LTBP1: variants seen among roughly 807,000 people sequenced by gnomAD.
LTBP1 encodes the protein latent transforming growth factor beta binding protein 1.
Under a neutral mutation model 207.6 loss-of-function variants are expected in LTBP1, and 129 were observed. That is an observed-to-expected ratio of 0.62 (90% CI 0.54 to 0.72). The LOEUF (loss-of-function observed/expected upper bound fraction) is 0.72. LTBP1 is among the 30% of genes least tolerant of loss of function. The probability of loss-of-function intolerance (pLI) is 0.00; values close to 1 mark genes in which losing one functional copy is unlikely to be tolerated. For synonymous variants in LTBP1, 963 were observed against 833.7 expected, an observed-to-expected ratio of 1.16 and a Z score of -2.67; for missense variants, 2,281 against 2,217.2, an observed-to-expected ratio of 1.03 and a Z score of -0.58.
chr2:32,977,787 C>G (rs1046965970), intron 2 of LTBP1, among the ~76,000 whole-genome samples: 3 of 152,176 alleles, frequency 2.0e-5, no homozygotes, highest in African/African-American at 7.2e-5. Flanking sequence ...AGCTTCACTC[C>G]TCTTTGCTCT....
intron 5 of LTBP1, among the ~76,000 whole-genome samples, chr2:33,173,008 T>C (rs1246769376): frequency 2.6e-5 from 4 of 151,122 alleles, no homozygotes; most frequent in Non-Finnish European, 4.4e-5. Flanking sequence ...CAAAGCAGTG[T>C]GTAGAGGGAA....
At chr2:33,173,417 A>C (rs943327176) in intron 5 of LTBP1, among the ~76,000 whole-genome samples, 25 of 152,228 alleles carry the variant, frequency 1.6e-4, no homozygotes, top group African/African-American at 6.0e-4. Context: ...GAAATGGATA[A>C]ATTCCTTGAC....
At chr2:33,221,943 A>G in intron 8 of LTBP1, 137 bp from the exon 9 acceptor site, 6 of 569,030 alleles carry the variant, frequency 1.1e-5, no homozygotes, top group Admixed American at 8.1e-5. Flanking sequence ...TTATGGAGAT[A>G]TACATTGGTA....
intron 24 of LTBP1, among the ~76,000 whole-genome samples, chr2:33,334,287 C>T (rs770639453): frequency 1.1e-4 from 17 of 152,202 alleles, no homozygotes; most frequent in South Asian, 2.1e-4. Flanking sequence ...CATGGACAAG[C>T]GCAGACAGCA....
intron 2 of LTBP1, among the ~76,000 whole-genome samples, chr2:32,953,408 C>A (rs1285417320): frequency 6.6e-6 from 1 of 152,190 alleles, no homozygotes; most frequent in East Asian, 1.9e-4. Flanking sequence ...AATAGATCTG[C>A]AGTGAGGTTT....
At chr2:33,117,089 C>G (rs1025247360) in intron 4 of LTBP1, among the ~76,000 whole-genome samples, 9 of 152,100 alleles carry the variant, frequency 5.9e-5, no homozygotes, top group Non-Finnish European at 1.3e-4. Flanking sequence ...GCAGATAGAA[C>G]AGCTCCCCAG....
At position 33,259,483 on chromosome 2, in the gene LTBP1, T is replaced by C. The variant is rs551376102; in HGVS notation, c.2396-105T>C. 17 of 783,398 alleles carry C rather than the reference T, an allele frequency of 2.2e-5. No homozygotes were observed. The African/African-American group carries it at 2.8e-4, about 13-fold the overall frequency. The allele number at this position is 783,398 out of a possible 1,614,324, so 48.5% of individuals were successfully genotyped here. On this transcript the variant is annotated intron_variant, in intron 12 of 33. Coordinates refer to ENST00000404816, the MANE Select transcript of LTBP1 (RefSeq NM_206943.4). ...GCATTTGCTTTAGTCTGATTCTTAA[T>C]CCTTTTGCAGAGATAATGGACTTCT...
Position 33,257,403 on chromosome 2 carries a change from C to T in LTBP1, c.2287C>T (p.Gln763Ter). The change falls in exon 12 of 34, where the codon CAA becomes TAA. Residue 763 changes from glutamine to a stop codon, truncating the protein, a stop_gained. Coordinates refer to ENST00000404816, the MANE Select transcript of LTBP1 (RefSeq NM_206943.4). LOFTEE classifies it high-confidence loss of function. ...GPVFVKPKNT[Q>*]PVAKSTHPPP... ...TGTATTTGTCAAGCCAAAGAACACT[C>T]AACCTGTTGCTAAAAGTACTCATCC... 6.2e-7 allele frequency: 1 copy of T among 1,614,228 alleles called. No homozygotes were observed. Among genetic ancestry groups the T allele is most frequent in the Non-Finnish European group, 8.5e-7 (1 of 1,180,018 alleles).
intron 2 of LTBP1, among the ~76,000 whole-genome samples, chr2:32,985,993 G>A (rs1683501157): frequency 1.3e-5 from 2 of 151,808 alleles, no homozygotes; most frequent in South Asian, 4.2e-4. Context: ...GGTTTCTAAG[G>A]GTGTTTTTTT....
chr2:33,266,792 G>T (rs994582601), intron 15 of LTBP1, among the ~76,000 whole-genome samples: 4 of 152,132 alleles, frequency 2.6e-5, no homozygotes, highest in Non-Finnish European at 4.4e-5. Context: ...TCTCCACCTT[G>T]CTCACCCTCC....
At chr2:33,359,719 A>G (rs1559065638) in intron 26 of LTBP1, among the ~76,000 whole-genome samples, 1 of 152,240 alleles carries the variant, frequency 6.6e-6, no homozygotes. Flanking sequence ...TTTGAACTCC[A>G]TAGTATACAG....
chr2:33,018,540 G>T (rs1348727453), intron 2 of LTBP1, among the ~76,000 whole-genome samples: 1 of 152,308 alleles, frequency 6.6e-6, no homozygotes. Flanking sequence ...GGCCACTTCT[G>T]TTCTCTTGGG....
At chr2:33,086,891 A>T (rs989332945) in intron 3 of LTBP1, among the ~76,000 whole-genome samples, 2 of 149,966 alleles carry the variant, frequency 1.3e-5, no homozygotes, top group African/African-American at 4.9e-5. Context: ...ATATTTATTT[A>T]TTTTTTTTGG....
chr2:33,208,481 C>T (rs780109235), intron 7 of LTBP1, among the ~76,000 whole-genome samples: 11 of 152,254 alleles, frequency 7.2e-5, no homozygotes, highest in East Asian at 3.9e-4. Flanking sequence ...GCTGGCATGA[C>T]GTAGGGTGAG....
chr2:33,227,000 G>A (rs988435927), intron 9 of LTBP1, among the ~76,000 whole-genome samples: 7 of 151,070 alleles, frequency 4.6e-5, no homozygotes, highest in African/African-American at 1.5e-4. Flanking sequence ...TTATCTATTG[G>A]CTTTTTACCA....
At position 33,100,431 on chromosome 2, in the gene LTBP1, G is replaced by C. The variant is rs1325529571; in HGVS notation, c.864-10151G>C. ...AATATGAAGGATGGGGGCAGGGGGG[G>C]CAAGAAACCCAGCTTCTTTTTCCCT... On this transcript the variant is annotated intron_variant, in intron 3 of 33. Coordinates refer to ENST00000404816, the MANE Select transcript of LTBP1 (RefSeq NM_206943.4). Among the ~76,000 whole-genome samples the C allele has an allele frequency of 3.3e-5, 5 of 151,686 alleles. No individual in the cohort carries two copies. In the East Asian group the frequency reaches 9.7e-4, roughly 29 times the overall value.
At chr2:33,307,142 G>C (rs1196858880) in intron 22 of LTBP1, among the ~76,000 whole-genome samples, 1 of 152,176 alleles carries the variant, frequency 6.6e-6, no homozygotes, top group African/African-American at 2.4e-5. Context: ...AATAGTTGTA[G>C]AGCTGTCAGA....
intron 18 of LTBP1, among the ~76,000 whole-genome samples, chr2:33,277,829 CTTTTTTTTT>C (rs199950784): frequency 1.2e-5 from 1 of 85,188 alleles, no homozygotes; most frequent in Non-Finnish European, 2.2e-5. Context: ...TTCTTTCTTT[CTTTTTTTTT>C]TTTTTTTTTT....
chr2:33,141,893 A>G (rs1050298713), intron 5 of LTBP1, among the ~76,000 whole-genome samples: 6 of 152,206 alleles, frequency 3.9e-5, no homozygotes, highest in African/African-American at 1.4e-4. Context: ...ATCTGCAGAT[A>G]AAGAGCCTTA....
Sources: allele counts gnomAD v4.1 joint callset (sites outside exome capture counted in the v4.1 genomes callset), GRCh38; gene constraint gnomAD v4.1.1; transcripts MANE v1.5; gene names NCBI Gene and HGNC (gene_info 2026-07-23, HGNC 2026-07-21).